Variants in CNKSR2 observed in about 807,000 individuals in gnomAD.
CNKSR2 encodes CNK homolog protein 2.
CNKSR2 carries 14 observed loss-of-function variants against 84.4 expected under a neutral mutation model. The observed-to-expected ratio is 0.17, with a 90% confidence interval of 0.11 to 0.26. The LOEUF (loss-of-function observed/expected upper bound fraction) is 0.26, where lower values mean the gene tolerates loss of function less well. CNKSR2 is among the 10% of genes least tolerant of loss of function. CNKSR2 has a pLI of 1.00. For missense variants in CNKSR2, 485 were observed against 771.2 expected, an observed-to-expected ratio of 0.63 and a Z score of 4.40; for synonymous variants, 275 against 277.9, an observed-to-expected ratio of 0.99 and a Z score of 0.10.
intron 2 of CNKSR2, among the ~76,000 whole-genome samples, chrX:21,432,012 G>C (rs1251768624): frequency 8.9e-6 from 1 of 111,897 alleles, no homozygotes; most frequent in Non-Finnish European, 1.9e-5. Flanking sequence ...TTACAAAAAG[G>C]AGAAAGTATA....
In CNKSR2 at chrX:21,526,971, C is replaced by G; in HGVS notation, c.1062C>G (p.Pro354=). The change falls in exon 10 of 22, where the codon CCC becomes CCG. Residue 354 remains proline (P), a synonymous_variant. Transcript: ENST00000379510. ...CTGCCCTCCAGGATCTCTACATTCC[C>G]CCTCCTCCTGCAGAACCATATATTC... ...DSSALQDLYI[P]PPPAEPYIPR... The G allele has an allele frequency of 8.3e-7, 1 of 1,206,189 alleles. No homozygotes were observed. Among genetic ancestry groups the G allele is most frequent in the Non-Finnish European group, 1.1e-6 (1 of 891,397 alleles).
intron 17 of CNKSR2, among the ~76,000 whole-genome samples, chrX:21,600,789 C>A (rs2092477221): frequency 8.9e-6 from 1 of 112,418 alleles, no homozygotes; most frequent in Non-Finnish European, 1.9e-5. Context: ...GAAGTACTCC[C>A]AAGATGTGTT....
chrX:21,412,138 A>G (rs2090353488), intron 1 of CNKSR2, among the ~76,000 whole-genome samples: 1 of 111,629 alleles, frequency 9.0e-6, no homozygotes, highest in African/African-American at 3.3e-5. Flanking sequence ...AGCATTAGGG[A>G]AGCCTGGGAC....
intron 11 of CNKSR2, among the ~76,000 whole-genome samples, chrX:21,556,288 GA>G (rs989446300): frequency 9.0e-6 from 1 of 111,175 alleles, no homozygotes; most frequent in East Asian, 2.8e-4. Context: ...GTAGACAGTA[GA>G]AAAGTCTGTC....
chrX:21,550,214 A>C (rs2092073027), intron 11 of CNKSR2, among the ~76,000 whole-genome samples: 1 of 112,167 alleles, frequency 8.9e-6, no homozygotes, highest in African/African-American at 3.2e-5. Flanking sequence ...ACTTAATTAA[A>C]CAAATGTACA....
chrX:21,496,372 T>C (rs749821256), intron 6 of CNKSR2, among the ~76,000 whole-genome samples: 1 of 111,857 alleles, frequency 8.9e-6, no homozygotes, highest in Admixed American at 9.5e-5. Context: ...TGTATACCTG[T>C]CACCAGTGTA....
chrX:21,654,625 C>T lies in CNKSR2; in HGVS notation c.*2104C>T, dbSNP rs894484277. 8.9e-6 allele frequency: 1 copy of T among 111,813 alleles called. No homozygotes were observed. Among genetic ancestry groups the T allele is most frequent in the Non-Finnish European group, 1.9e-5 (1 of 53,217 alleles). 9.2% of individuals were successfully genotyped at this position (111,813 alleles called of 1,213,427 possible). A position where few individuals can be genotyped will look rare whatever the true frequency, so the allele number is the denominator to read the frequency against. ...TAATATCTGTACATTTTATTGCATT[C>T]GTTTCAAATCTAGGAGAGAGGCAGC... On this transcript the variant is annotated 3_prime_UTR_variant, in exon 22 of 22. Transcript: ENST00000379510.
intron 9 of CNKSR2, among the ~76,000 whole-genome samples, chrX:21,517,887 C>T (rs1423266306): frequency 1.8e-5 from 2 of 111,420 alleles, no homozygotes; most frequent in Non-Finnish European, 3.8e-5. Flanking sequence ...AATCAAAATT[C>T]TCCATTATAC....
chrX:21,532,380 T>A (rs2091893874), intron 11 of CNKSR2, among the ~76,000 whole-genome samples: 1 of 111,156 alleles, frequency 9.0e-6, no homozygotes. Flanking sequence ...AATTCAAGTG[T>A]TTTTTTATTC....
At chrX:21,452,217 A>G (rs1255712483) in intron 4 of CNKSR2, among the ~76,000 whole-genome samples, 1 of 111,363 alleles carries the variant, frequency 9.0e-6, no homozygotes, top group Non-Finnish European at 1.9e-5. Flanking sequence ...CAGCCTCCCA[A>G]GTAGCTGGGA....
intron 1 of CNKSR2, among the ~76,000 whole-genome samples, chrX:21,396,833 G>T (rs2090128505): frequency 9.0e-6 from 1 of 111,575 alleles, no homozygotes; most frequent in Non-Finnish European, 1.9e-5. Context: ...AAATAACTCA[G>T]TATGAAAGCT....
At chrX:21,455,215 C>CTA (rs747641368) in intron 4 of CNKSR2, among the ~76,000 whole-genome samples, 2 of 111,576 alleles carry the variant, frequency 1.8e-5, no homozygotes, top group African/African-American at 6.5e-5. Context: ...CTGAGAGTGT[C>CTA]TATATACTCA....
At chrX:21,389,737 C>T (rs2146962921) in intron 1 of CNKSR2, among the ~76,000 whole-genome samples, 1 of 112,113 alleles carries the variant, frequency 8.9e-6, no homozygotes, top group Admixed American at 9.4e-5. Context: ...CAATATTGGC[C>T]CTGGCCTGGC....
intron 7 of CNKSR2, 143 bp from the exon 8 acceptor site, chrX:21,501,377 C>T (rs762086238): frequency 1.5e-5 from 5 of 332,937 alleles, no homozygotes; most frequent in African/African-American, 5.4e-5. Flanking sequence ...TACTAATAAC[C>T]GTGTTTATTG....
intron 14 of CNKSR2, 74 bp downstream of exon 14, chrX:21,590,694 C>A: frequency 9.5e-7 from 1 of 1,049,871 alleles, no homozygotes; most frequent in East Asian, 3.1e-5. Flanking sequence ...CATCCATGCC[C>A]TCTTTCTTGC....
At chrX:21,408,370 G>A (rs566239990) in intron 1 of CNKSR2, among the ~76,000 whole-genome samples, 1 of 111,515 alleles carries the variant, frequency 9.0e-6, no homozygotes, top group African/African-American at 3.3e-5. Flanking sequence ...GTATTTATAT[G>A]TATACAGATC....
At chrX:21,495,772 A>T (rs2091488789) in intron 6 of CNKSR2, 1 of 78,435 alleles carries the variant, frequency 1.3e-5, no homozygotes, top group African/African-American at 5.0e-5. Context: ...GACGAAAGTG[A>T]AGCTCCGTCT....
chrX:21,517,742 T>TAA (rs2091743026), intron 9 of CNKSR2, among the ~76,000 whole-genome samples: 1 of 110,940 alleles, frequency 9.0e-6, no homozygotes. Context: ...AATAGGCCCA[T>TAA]TGAACTGGAA....
In CNKSR2 at chrX:21,654,285, A is replaced by AC. The variant is rs1555967956; in HGVS notation, c.*1764_*1765insC. On this transcript the variant is annotated 3_prime_UTR_variant, in exon 22 of 22. Coordinates refer to ENST00000379510, the MANE Select transcript of CNKSR2 (RefSeq NM_014927.5). ...ATTTTGTATATGTAAAAAAAAAAAA[A>AC]AAAAAAAAACAAAAAACCTCTTGTC... 2 of 107,123 alleles carry AC rather than the reference A, an allele frequency of 1.9e-5. No homozygotes were observed. Among genetic ancestry groups the AC allele is most frequent in the South Asian group, 4.1e-4 (1 of 2,469 alleles). 8.8% of individuals were successfully genotyped at this position (107,123 alleles called of 1,213,427 possible).
Sources: allele counts gnomAD v4.1 joint callset (sites outside exome capture counted in the v4.1 genomes callset), GRCh38; gene constraint gnomAD v4.1.1; transcripts MANE v1.5; gene names NCBI Gene and HGNC (gene_info 2026-07-23, HGNC 2026-07-21).